The following NDUFB8 variants were observed in gnomAD, a reference collection of about 807,000 sequenced individuals.
The protein encoded by NDUFB8 is NADH:ubiquinone oxidoreductase subunit B8, also known as NADH dehydrogenase [ubiquinone] 1 beta subcomplex subunit 8, mitochondrial.
NDUFB8 carries 17 observed loss-of-function variants against 26.0 expected under a neutral mutation model. The observed-to-expected ratio is 0.65, with a 90% confidence interval of 0.45 to 0.98. The LOEUF (loss-of-function observed/expected upper bound fraction) is 0.98, where lower values mean the gene tolerates loss of function less well. Among genes scored for constraint, NDUFB8 ranks in the 50% least tolerant of loss-of-function variants. NDUFB8 has a pLI of 0.00. For missense variants in NDUFB8, 238 were observed against 255.0 expected (o/e 0.93, Z 0.45); for synonymous variants, 89 against 93.1 (o/e 0.96, Z 0.25).
intron 4 of NDUFB8, among the ~76,000 whole-genome samples, chr10:100,525,666 G>T (rs1226352981): frequency 8.1e-6 from 1 of 123,290 alleles, no homozygotes; most frequent in Non-Finnish European, 1.7e-5. Flanking sequence ...GTGTGTGTTA[G>T]CATCTAGGTA....
At chr10:100,527,897 G>A (rs1272513735) in intron 2 of NDUFB8, among the ~76,000 whole-genome samples, 4 of 152,106 alleles carry the variant, frequency 2.6e-5, no homozygotes, top group African/African-American at 7.2e-5. Flanking sequence ...TCAGCTTACT[G>A]CAACCTCCAC....
chr10:100,528,881 G>A (rs1181762477), intron 2 of NDUFB8, among the ~76,000 whole-genome samples: 4 of 152,144 alleles, frequency 2.6e-5, no homozygotes, highest in African/African-American at 9.7e-5. Flanking sequence ...TACGTAAGGG[G>A]GCTGGCTGTT....
chr10:100,524,985 A>G lies in NDUFB8; in HGVS notation c.469-1056T>C, dbSNP rs1211304707. ...CCAAATCCCTTAGCAATGAAATAAA[A>G]GCTGCCCAACCTAACTGACCAACTT... On this transcript the variant is annotated intron_variant, in intron 4 of 4. Transcript: ENST00000299166. The surrounding 1 kb of genome is among the most constrained non-coding windows in gnomAD (Gnocchi z 4.0). 6.6e-6 allele frequency among the ~76,000 whole-genome samples: 1 copy of G among 152,236 alleles called. No individual in the cohort carries two copies. Among genetic ancestry groups the G allele is most frequent in the African/African-American group, 2.4e-5 (1 of 41,466 alleles).
rs144790458 is a variant in NDUFB8, at chr10:100,529,487, G to A, written c.105C>T (p.Asp35=). The A allele has an allele frequency of 2.5e-5, 40 of 1,612,272 alleles. No individual in the cohort carries two copies. The African/African-American group carries it at 3.6e-4, about 15-fold the overall frequency. ...GARTASHMTK[D]MFPGPYPRTP... ...TCCTAGGATAGGGCCCCGGGAACAT[G>A]TCCTTGGTCATGTGGGAGGCTAGAA... The change falls in exon 2 of 5, where the codon GAC becomes GAT. Residue 35 remains aspartate, a synonymous_variant. Transcript: ENST00000299166.
At chr10:100,528,756 A>G (rs1852093782) in intron 2 of NDUFB8, among the ~76,000 whole-genome samples, 1 of 152,218 alleles carries the variant, frequency 6.6e-6, no homozygotes, top group Non-Finnish European at 1.5e-5. Context: ...TGAAAGAGTG[A>G]CATTAGGACA....
At chr10:100,526,248 G>T in intron 4 of NDUFB8, 151 bp downstream of exon 4, 1 of 815,250 alleles carries the variant, frequency 1.2e-6, no homozygotes, top group Non-Finnish European at 1.8e-6. Context: ...CTTGTGGCAG[G>T]CCAATGGGTC....
chr10:100,525,615 C>CGTGTGT lies in NDUFB8; in HGVS notation c.468+778_468+783dup, dbSNP rs56705301. Among the ~76,000 whole-genome samples the CGTGTGT allele has an allele frequency of 1.1e-3, 109 of 100,158 alleles. 8 individuals carry two copies. The highest frequency in any genetic ancestry group is 3.8e-3 in the African/African-American group (100 of 26,246). The allele number at this position is 100,158 out of a possible 152,430, so 65.7% of individuals were successfully genotyped here. ...TTCTCCAACTTCCCACCACCCAAAG[C>CGTGTGT]GTGTGTGTGTGTGTGTGTGTGTGTG... On this transcript the variant is annotated intron_variant, in intron 4 of 4. Coordinates refer to ENST00000299166, the MANE Select transcript of NDUFB8 (RefSeq NM_005004.4).
intron 1 of NDUFB8, 65 bp downstream of exon 1, chr10:100,529,702 C>G (rs1030772478): frequency 3.8e-6 from 6 of 1,573,560 alleles, no homozygotes; most frequent in South Asian, 2.3e-5. Context: ...TACGATCCCC[C>G]CTCCCGATAC....
intron 4 of NDUFB8, 143 bp downstream of exon 4, chr10:100,526,256 G>T: frequency 1.0e-6 from 1 of 969,074 alleles, no homozygotes; most frequent in Non-Finnish European, 1.4e-6. Context: ...AGGCCAATGG[G>T]TCAAGGCCCT....
chr10:100,524,282 C>CCAT lies in NDUFB8; in HGVS notation c.469-356_469-354dup. 1.4e-6 allele frequency: 1 copy of CCAT among 738,488 alleles called. No homozygotes were observed. Among genetic ancestry groups the CCAT allele is most frequent in the South Asian group, 1.7e-5 (1 of 59,114 alleles). 45.7% of individuals were successfully genotyped at this position (738,488 alleles called of 1,614,324 possible). On this transcript the variant is annotated intron_variant, in intron 4 of 4. Transcript: ENST00000299166. The surrounding 1 kb of genome is among the most constrained non-coding windows in gnomAD (Gnocchi z 4.0). Reference sequence around the variant, plus strand: ...TTTCTAAATGAGACGATGCATCCATCCATCCCACTCTCTCTCGGGGTCGAG... The same window carrying CCAT: ...TTTCTAAATGAGACGATGCATCCATCCATCATCCCACTCTCTCTCGGGGTCGAG...
chr10:100,526,919 G>A (rs2133711379), intron 3 of NDUFB8, 56 bp downstream of exon 3: 1 of 1,512,754 alleles, frequency 6.6e-7, no homozygotes, highest in East Asian at 2.3e-5. Flanking sequence ...CTGAGCTAAA[G>A]AATCGCCAAG....
chr10:100,524,062 G>A lies in NDUFB8; in HGVS notation c.469-133C>T. 6.3e-7 allele frequency: 1 copy of A among 1,581,314 alleles called. No individual in the cohort carries two copies. The highest frequency in any genetic ancestry group is 8.6e-7 in the Non-Finnish European group (1 of 1,163,146). ...TGGTCAGACCCAGCTGGGCTAGGAA[G>A]GCAGGAACAGCACTCCTCTTCCTCA... is the stretch of plus-strand genomic sequence containing the variant. On this transcript the variant is annotated intron_variant, in intron 4 of 4. Transcript: ENST00000299166. This position sits in a 1 kb window ranked among gnomAD's most constrained non-coding sequence, Gnocchi z 4.0.
chr10:100,525,765 T>TGTGTGTGTGTGTGTG (rs1184826133), intron 4 of NDUFB8, among the ~76,000 whole-genome samples: 5 of 134,834 alleles, frequency 3.7e-5, no homozygotes, highest in African/African-American at 1.4e-4. Flanking sequence ...TGTGTGTGTG[T>TGTGTGTGTGTGTGTG]TAGCATCTAG....
chr10:100,524,141 T>C lies in NDUFB8; in HGVS notation c.469-212A>G, dbSNP rs1367971778. ...ATTGTAAGAGAAGTGGTGCCTACACTGTGAGAGAGAAGGAGAAAGGGGGAG... is the reference window on the plus strand; with the variant it reads ...ATTGTAAGAGAAGTGGTGCCTACACCGTGAGAGAGAAGGAGAAAGGGGGAG... On this transcript the variant is annotated intron_variant, in intron 4 of 4. Transcript: ENST00000299166. This position sits in a 1 kb window ranked among gnomAD's most constrained non-coding sequence, Gnocchi z 4.0. The C allele has an allele frequency of 1.3e-6, 2 of 1,561,590 alleles. No homozygotes were observed. Among genetic ancestry groups the C allele is most frequent in the East Asian group, 2.3e-5 (1 of 42,702 alleles).
Position 100,529,402 on chromosome 10 carries a change from G to A in NDUFB8, c.190C>T (p.Pro64Ser). 8.1e-6 allele frequency: 13 copies of A among 1,612,578 alleles called. No homozygotes were observed. Among genetic ancestry groups the A allele is most frequent in the Non-Finnish European group, 1.1e-5 (13 of 1,179,500 alleles). The change falls in exon 2 of 5, where the codon CCT (proline) becomes TCT (serine). Residue 64 changes from proline (P) to serine (S), a missense_variant. By Grantham distance (74) the Pro-to-Ser change is moderately conservative (BLOSUM62 -1). Transcript: ENST00000299166. Reference sequence around the variant, plus strand: ...CACCCCATGCCATCATCCGGGTAAGGTTCGTAGTCTTCCACACGCATATTA... The same window carrying A: ...CACCCCATGCCATCATCCGGGTAAGATTCGTAGTCTTCCACACGCATATTA... ...KYNMRVEDYE[P>S]YPDDGMGYGD...
rs546239970 is a variant in NDUFB8, at chr10:100,529,229, C to G, written c.212+151G>C. 4 of 183,778 alleles carry G rather than the reference C, an allele frequency of 2.2e-5. 1 individual carries two copies. The South Asian group carries it at 3.2e-4, about 15-fold the overall frequency. The allele number at this position is 183,778 out of a possible 1,614,324, so 11.4% of individuals were successfully genotyped here. ...CAGCTGCAGCTGCTCACCCACCCCC[C>G]TCCCACCTCCCTCCACAGAGAAAAG... On this transcript the variant is annotated intron_variant, in intron 2 of 4. Transcript: ENST00000299166.
chr10:100,529,141 T>C, intron 2 of NDUFB8: 1 of 357,278 alleles, frequency 2.8e-6, no homozygotes, highest in East Asian at 6.6e-5. Flanking sequence ...GAGGGAGCCA[T>C]TAAAACCTCG....
chr10:100,526,818 A>T (rs1195975541), intron 3 of NDUFB8, 157 bp downstream of exon 3: 1 of 758,134 alleles, frequency 1.3e-6, no homozygotes, highest in Non-Finnish European at 2.2e-6. Context: ...CGTCCCATTC[A>T]GTGTGCCACA....
intron 4 of NDUFB8, among the ~76,000 whole-genome samples, chr10:100,525,615 C>CGTGTGTGTGTGTGT (rs56705301): frequency 5.0e-5 from 5 of 100,164 alleles, no homozygotes; most frequent in African/African-American, 1.9e-4. Flanking sequence ...CCACCCAAAG[C>CGTGTGTGTGTGTGT]GTGTGTGTGT....
Sources: gnomAD v4.1 joint callset for allele counts (sites outside exome capture counted in the v4.1 genomes callset) on GRCh38, gnomAD v4.1.1 for gene constraint, Gnocchi (gnomAD v3.1) non-coding constraint, MANE v1.5 for transcripts, NCBI Gene and HGNC (gene_info 2026-07-23, HGNC 2026-07-21) for gene names.